CDH6: variants seen among roughly 807,000 people sequenced by gnomAD.
CDH6 encodes the protein cadherin 6, also known as cadherin-6.
CDH6 carries 31 observed loss-of-function variants against 78.0 expected under a neutral mutation model. The ratio of observed to expected loss-of-function variants is 0.40; its 90% CI spans 0.30 to 0.54. CDH6 has a LOEUF of 0.54. CDH6 is among the 20% of genes least tolerant of loss of function. The probability of loss-of-function intolerance (pLI) is 0.56; values close to 1 mark genes in which losing one functional copy is unlikely to be tolerated. For missense variants in CDH6, 724 were observed against 975.9 expected (o/e 0.74, Z 3.44); for synonymous variants, 376 against 368.8 (o/e 1.02, Z -0.23).
intron 1 of CDH6, among the ~76,000 whole-genome samples, chr5:31,261,942 T>C (rs543435742): frequency 2.8e-4 from 43 of 152,304 alleles, no homozygotes; most frequent in African/African-American, 9.6e-4. Context: ...ATTAGCATAT[T>C]AATTATTTGC....
intron 1 of CDH6, among the ~76,000 whole-genome samples, chr5:31,194,113 G>T (rs1031359605): frequency 6.6e-6 from 1 of 152,028 alleles, no homozygotes; most frequent in African/African-American, 2.4e-5. Context: ...GCTTCCCGGG[G>T]AGCCTGGGCA....
chr5:31,211,813 C>T (rs1424422529), intron 1 of CDH6, among the ~76,000 whole-genome samples: 1 of 152,164 alleles, frequency 6.6e-6, no homozygotes, highest in Non-Finnish European at 1.5e-5. Context: ...GAGTTCACCT[C>T]TCTGCAAATG....
intron 1 of CDH6, among the ~76,000 whole-genome samples, chr5:31,202,662 C>CAT (rs34077868): frequency 8.0e-4 from 120 of 150,032 alleles, no homozygotes; most frequent in South Asian, 3.4e-3. Flanking sequence ...TATACACACA[C>CAT]ATATATATAT....
At chr5:31,264,444 T>G (rs1162445084) in intron 1 of CDH6, among the ~76,000 whole-genome samples, 1 of 152,166 alleles carries the variant, frequency 6.6e-6, no homozygotes, top group East Asian at 1.9e-4. Flanking sequence ...ATTTACAGAA[T>G]AAAGAAACTG....
In CDH6 at chr5:31,305,317, T is replaced by G. The variant is rs1737956187; in HGVS notation, c.1143T>G (p.Pro381=). 1 of 1,614,078 alleles carries G rather than the reference T, an allele frequency of 6.2e-7. No homozygotes were observed. Among genetic ancestry groups the G allele is most frequent in the Admixed American group, 1.7e-5 (1 of 60,008 alleles). ...RIVVEDVDEP[P]VFSKLAYILQ... is the part of the protein sequence containing the mutation. ...TGGTGGAGGATGTAGATGAGCCACC[T>G]GTCTTCAGCAAACTGGCCTACATCT... The change falls in exon 7 of 12, where the codon CCT becomes CCG. Residue 381 remains proline, a synonymous_variant. Transcript: ENST00000265071.
chr5:31,293,410 A>G (rs2962791), intron 2 of CDH6, among the ~76,000 whole-genome samples: 23,020 of 152,074 alleles, frequency 0.15, 3,116 homozygotes, highest in African/African-American at 0.36. Context: ...AAATGATTAT[A>G]ATCTCTATCA....
At chr5:31,208,382 G>A (rs1040089939) in intron 1 of CDH6, among the ~76,000 whole-genome samples, 41 of 152,232 alleles carry the variant, frequency 2.7e-4, no homozygotes, top group African/African-American at 8.7e-4. Flanking sequence ...CCTGGACCCC[G>A]GACATCCTCC....
At chr5:31,320,659 T>C (rs2149961410) in intron 11 of CDH6, among the ~76,000 whole-genome samples, 1 of 152,264 alleles carries the variant, frequency 6.6e-6, no homozygotes, top group East Asian at 1.9e-4. Context: ...GCTCAAATTA[T>C]GCAACCTCCC....
In CDH6 at chr5:31,294,321, C is replaced by T. The variant is rs1737518255; in HGVS notation, c.523+65C>T. ...CTAGTGCATCCACTGAGTAAGGAAT[C>T]CCACGAGCTCAAAGTACTGAACTGC... is the stretch of plus-strand genomic sequence containing the variant. On this transcript the variant is annotated intron_variant, in intron 3 of 11. Transcript: ENST00000265071. The surrounding 1 kb of genome is among the most constrained non-coding windows in gnomAD (Gnocchi z 4.1). 2 of 1,340,928 alleles carry T rather than the reference C, an allele frequency of 1.5e-6. No individual in the cohort carries two copies. The allele number at this position is 1,340,928 out of a possible 1,614,324, so 83.1% of individuals were successfully genotyped here.
chr5:31,213,230 C>G (rs566899332), intron 1 of CDH6, among the ~76,000 whole-genome samples: 2 of 152,104 alleles, frequency 1.3e-5, no homozygotes, highest in Non-Finnish European at 2.9e-5. Flanking sequence ...ACAATGAAAG[C>G]GCAGAATTAA....
At chr5:31,207,929 C>G (rs1740580704) in intron 1 of CDH6, among the ~76,000 whole-genome samples, 1 of 152,104 alleles carries the variant, frequency 6.6e-6, no homozygotes, top group Admixed American at 6.6e-5. Flanking sequence ...AAGCCCAACA[C>G]CAGGCCGTCG....
At chr5:31,236,984 T>G (rs1205774615) in intron 1 of CDH6, among the ~76,000 whole-genome samples, 2 of 152,084 alleles carry the variant, frequency 1.3e-5, no homozygotes, top group African/African-American at 4.8e-5. Flanking sequence ...TCACATAGAT[T>G]TGTACGTTTA....
At chr5:31,206,045 C>G (rs558541973) in intron 1 of CDH6, among the ~76,000 whole-genome samples, 7 of 152,272 alleles carry the variant, frequency 4.6e-5, no homozygotes, top group Admixed American at 4.6e-4. Flanking sequence ...TCAATCGTGG[C>G]ACCCTTGAGA....
rs1738525405 is a variant in CDH6 at position 31,323,285 on chromosome 5, G to A, written c.2350G>A (p.Val784Met). 1 of 1,610,600 alleles carries A rather than the reference G, an allele frequency of 6.2e-7. No homozygotes were observed. Among genetic ancestry groups the A allele is most frequent in the Non-Finnish European group, 8.5e-7 (1 of 1,177,086 alleles). ...FKKLADMYGGVDSDKDS is the reference protein window; with the variant it reads ...FKKLADMYGGMDSDKDS ...AAAGCTTGCAGATATGTATGGAGGAGTGGACAGTGACAAAGACTCCTAATC... is the reference window on the plus strand; with the variant it reads ...AAAGCTTGCAGATATGTATGGAGGAATGGACAGTGACAAAGACTCCTAATC... Residue 784 changes from valine (V) to methionine (M), a missense_variant, in exon 12 of 12, where the codon GTG becomes ATG. Val to Met is a conservative substitution (Grantham distance 21). Transcript: ENST00000265071.
At chr5:31,273,743 A>T (rs1002123336) in intron 2 of CDH6, among the ~76,000 whole-genome samples, 14 of 141,690 alleles carry the variant, frequency 9.9e-5, no homozygotes, top group African/African-American at 1.5e-4. Flanking sequence ...AGAAAAAAAA[A>T]TTTTTTTAAA....
intron 8 of CDH6, among the ~76,000 whole-genome samples, 161 bp downstream of exon 8, chr5:31,313,615 T>C (rs1738216831): frequency 1.3e-5 from 2 of 152,208 alleles, no homozygotes; most frequent in African/African-American, 4.8e-5. Context: ...CTTCTAGATA[T>C]ACATTGGCTC....
chr5:31,237,704 A>G (rs1741491079), intron 1 of CDH6, among the ~76,000 whole-genome samples: 1 of 152,186 alleles, frequency 6.6e-6, no homozygotes, highest in Non-Finnish European at 1.5e-5. Context: ...TGTGATACAC[A>G]TGTCACATCC....
Position 31,235,942 on chromosome 5 carries a change from A to G in CDH6, c.-128-31404A>G, listed in dbSNP as rs77747935. On this transcript the variant is annotated intron_variant, in intron 1 of 11. Transcript: ENST00000265071. ...GACATTCATTAACCATATTTGTATT[A>G]ATTTATGCCCATTGTTTGTACTCAT... 7.2e-3 allele frequency among the ~76,000 whole-genome samples: 1,102 copies of G among 152,222 alleles called. 14 individuals carry two copies. The highest frequency in any genetic ancestry group is 0.025 in the African/African-American group (1,054 of 41,544).
intron 1 of CDH6, among the ~76,000 whole-genome samples, chr5:31,254,300 T>C (rs1250384234): frequency 6.6e-6 from 1 of 152,214 alleles, no homozygotes; most frequent in Non-Finnish European, 1.5e-5. Flanking sequence ...TGTAAAGTGC[T>C]TCCTTTAAGT....
Sources: gnomAD v4.1 joint callset for allele counts (sites outside exome capture counted in the v4.1 genomes callset) on GRCh38, gnomAD v4.1.1 for gene constraint, Gnocchi (gnomAD v3.1) non-coding constraint, MANE v1.5 for transcripts, NCBI Gene and HGNC (gene_info 2026-07-23, HGNC 2026-07-21) for gene names.